Variants in PARD3B observed in about 807,000 individuals in gnomAD.
The protein encoded by PARD3B is par-3 family cell polarity regulator beta.
PARD3B carries 103 observed loss-of-function variants against 130.2 expected under a neutral mutation model. That is an observed-to-expected ratio of 0.79 (90% CI 0.67 to 0.93). PARD3B has a LOEUF of 0.93. Ranked by LOEUF, PARD3B falls within the 40% of genes least tolerant of loss-of-function variation. The pLI, the probability that PARD3B is intolerant of heterozygous loss-of-function variation, is 0.00. For synonymous variants in PARD3B, 583 were observed against 553.2 expected, an observed-to-expected ratio of 1.05 and a Z score of -0.76; for missense variants, 1,609 against 1,499.2, an observed-to-expected ratio of 1.07 and a Z score of -1.21.
intron 8 of PARD3B, among the ~76,000 whole-genome samples, chr2:205,123,085 T>C (rs1450347858): frequency 6.6e-6 from 1 of 152,210 alleles, no homozygotes; most frequent in Non-Finnish European, 1.5e-5. Context: ...ACATCTGTAC[T>C]TTGGCAAGAT....
At chr2:204,699,772 A>G (rs1273197191) in intron 2 of PARD3B, among the ~76,000 whole-genome samples, 60 of 151,060 alleles carry the variant, frequency 4.0e-4, no homozygotes, top group Non-Finnish European at 1.5e-5. Flanking sequence ...ATGGAAACTT[A>G]TTTCCCAAAT....
intron 16 of PARD3B, among the ~76,000 whole-genome samples, chr2:205,299,168 T>C (rs1174349857): frequency 6.6e-6 from 1 of 152,202 alleles, no homozygotes; most frequent in African/African-American, 2.4e-5. Context: ...TCACTTCACA[T>C]AGGTATATAT....
At chr2:205,054,723 C>G (rs1699527222) in intron 4 of PARD3B, among the ~76,000 whole-genome samples, 1 of 151,770 alleles carries the variant, frequency 6.6e-6, no homozygotes. Flanking sequence ...CCCTTAGATG[C>G]CCAAGATTTC....
At chr2:204,914,489 A>G (rs1448369066) in intron 2 of PARD3B, among the ~76,000 whole-genome samples, 1 of 152,158 alleles carries the variant, frequency 6.6e-6, no homozygotes, top group Non-Finnish European at 1.5e-5. Flanking sequence ...GAGGGAAGAA[A>G]ATAAGTAAAT....
chr2:204,703,368 A>G (rs1047002787), intron 2 of PARD3B, among the ~76,000 whole-genome samples: 4 of 152,236 alleles, frequency 2.6e-5, no homozygotes, highest in Admixed American at 6.5e-5. Flanking sequence ...TTATGTAAAG[A>G]TAAATAAGAT....
rs1396091581 is a variant in PARD3B at position 205,170,528 on chromosome 2, G to A, written c.1621-1683G>A. 2.0e-5 allele frequency among the ~76,000 whole-genome samples: 3 copies of A among 152,050 alleles called. No homozygotes were observed. In the South Asian group the frequency reaches 6.2e-4, roughly 32 times the overall value. On this transcript the variant is annotated intron_variant, in intron 11 of 22. Transcript: ENST00000406610. ...CGAGTGGGTGTGTCCTCCTATGGGC[G>A]GCCCCTGCAATCCCACGTGGCTAAC...
intron 1 of PARD3B, among the ~76,000 whole-genome samples, chr2:204,620,399 C>T (rs1176730295): frequency 6.6e-6 from 1 of 152,176 alleles, no homozygotes; most frequent in Non-Finnish European, 1.5e-5. Context: ...GGTCCATGCA[C>T]CTTTCTTAAA....
At chr2:204,859,019 A>G (rs985611996) in intron 2 of PARD3B, among the ~76,000 whole-genome samples, 1 of 151,876 alleles carries the variant, frequency 6.6e-6, no homozygotes, top group African/African-American at 2.4e-5. Flanking sequence ...GAACTTTATT[A>G]TTCTCAAATT....
At chr2:205,609,939 G>C (rs139461772) in intron 22 of PARD3B, among the ~76,000 whole-genome samples, 20 of 152,286 alleles carry the variant, frequency 1.3e-4, no homozygotes, top group African/African-American at 4.6e-4. Context: ...AGTGTGCTCA[G>C]TTCTGTATTG....
At chr2:205,188,927 G>T (rs1004335566) in intron 14 of PARD3B, among the ~76,000 whole-genome samples, 1 of 152,036 alleles carries the variant, frequency 6.6e-6, no homozygotes, top group Non-Finnish European at 1.5e-5. Context: ...TGTACAAAAT[G>T]AAATCAGGAA....
intron 4 of PARD3B, among the ~76,000 whole-genome samples, chr2:205,066,067 G>A (rs1174674327): frequency 6.6e-6 from 1 of 152,084 alleles, no homozygotes; most frequent in East Asian, 1.9e-4. Flanking sequence ...GAATAATTTA[G>A]GACACAGACT....
At chr2:204,941,052 T>TAAC (rs1688860185) in intron 2 of PARD3B, among the ~76,000 whole-genome samples, 1 of 152,242 alleles carries the variant, frequency 6.6e-6, no homozygotes, top group Non-Finnish European at 1.5e-5. Flanking sequence ...GTTAAAAAAC[T>TAAC]AACATCCTAG....
intron 3 of PARD3B, among the ~76,000 whole-genome samples, chr2:204,978,178 T>C (rs1692355633): frequency 6.6e-6 from 1 of 152,024 alleles, no homozygotes; most frequent in African/African-American, 2.4e-5. Flanking sequence ...GACTGGGGAG[T>C]GGCATTGGAG....
At chr2:204,854,691 A>C (rs2044848847) in intron 2 of PARD3B, among the ~76,000 whole-genome samples, 1 of 152,156 alleles carries the variant, frequency 6.6e-6, no homozygotes, top group South Asian at 2.1e-4. Flanking sequence ...ATGTCTCCTG[A>C]ACAGAGGATA....
chr2:204,761,393 C>A (rs1030324912), intron 2 of PARD3B, among the ~76,000 whole-genome samples: 2 of 152,152 alleles, frequency 1.3e-5, no homozygotes, highest in Non-Finnish European at 2.9e-5. Context: ...AAGATAGTCT[C>A]CTAAGTTGAG....
intron 22 of PARD3B, among the ~76,000 whole-genome samples, chr2:205,598,933 A>G (rs556905486): frequency 6.6e-6 from 1 of 152,350 alleles, no homozygotes; most frequent in Admixed American, 6.5e-5. Flanking sequence ...ACAGAGACAC[A>G]AGATACCAGA....
At chr2:205,566,744 A>G (rs150803629) in intron 22 of PARD3B, among the ~76,000 whole-genome samples, 24 of 152,332 alleles carry the variant, frequency 1.6e-4, no homozygotes, top group African/African-American at 5.5e-4. Flanking sequence ...AGGGCATATC[A>G]GGGGTGATGA....
chr2:205,273,270 G>C (rs889323178), intron 16 of PARD3B, among the ~76,000 whole-genome samples: 1 of 152,216 alleles, frequency 6.6e-6, no homozygotes, highest in Non-Finnish European at 1.5e-5. Context: ...ACCAAAGGGT[G>C]AATGCCCTGA....
chr2:204,866,594 A>C (rs1414617997), intron 2 of PARD3B, among the ~76,000 whole-genome samples: 1 of 152,028 alleles, frequency 6.6e-6, no homozygotes, highest in African/African-American at 2.4e-5. Flanking sequence ...ATACAGTCAA[A>C]AGCAGTCATT....
Sources: gnomAD v4.1 joint callset for allele counts (sites outside exome capture counted in the v4.1 genomes callset) on GRCh38, gnomAD v4.1.1 for gene constraint, MANE v1.5 for transcripts, NCBI Gene and HGNC (gene_info 2026-07-23, HGNC 2026-07-21) for gene names.